The following SETD2 variants were observed in gnomAD, a reference collection of about 807,000 sequenced individuals.
The protein encoded by SETD2 is histone-lysine N-methyltransferase SETD2.
A neutral mutation model predicts 242.1 loss-of-function variants in SETD2; 31 were observed. The ratio of observed to expected loss-of-function variants is 0.13; its 90% CI spans 0.10 to 0.17. The LOEUF (loss-of-function observed/expected upper bound fraction) is 0.17, where lower values mean the gene tolerates loss of function less well. Ranked by LOEUF, SETD2 falls within the 10% of genes least tolerant of loss-of-function variation. SETD2 has a pLI of 1.00. For synonymous variants in SETD2, 1,006 were observed against 1,066.5 expected (o/e 0.94, Z 1.11); for missense variants, 2,481 against 3,046.3 (o/e 0.81, Z 4.37).
At chr3:47,067,741 T>C (rs1306267355) in intron 12 of SETD2, among the ~76,000 whole-genome samples, 1 of 152,104 alleles carries the variant, frequency 6.6e-6, no homozygotes, top group African/African-American at 2.4e-5. Context: ...GCACTTGCCA[T>C]CTCTACTTAG....
chr3:47,026,293 A>T (rs1286015984), intron 18 of SETD2, among the ~76,000 whole-genome samples: 2 of 152,248 alleles, frequency 1.3e-5, no homozygotes, highest in Admixed American at 1.3e-4. Context: ...ATCACTAAAA[A>T]GTTGGGAAAC....
chr3:47,026,508 T>A (rs113614827), intron 18 of SETD2, among the ~76,000 whole-genome samples: 149 of 152,334 alleles, frequency 9.8e-4, no homozygotes, highest in African/African-American at 3.4e-3. Flanking sequence ...TGCACACATA[T>A]TTTTATTGCA....
At chr3:47,048,677 G>C (rs2039646138) in intron 15 of SETD2, among the ~76,000 whole-genome samples, 1 of 151,864 alleles carries the variant, frequency 6.6e-6, no homozygotes, top group Non-Finnish European at 1.5e-5. Flanking sequence ...ACATTCTACA[G>C]CTGTATAAAC....
At chr3:47,105,839 G>A (rs796079158) in intron 6 of SETD2, 158 bp downstream of exon 6, 4 of 726,120 alleles carry the variant, frequency 5.5e-6, no homozygotes, top group South Asian at 5.2e-5. Context: ...GGAGGCAGGG[G>A]TTGCAGTGAG....
intron 12 of SETD2, among the ~76,000 whole-genome samples, chr3:47,080,464 A>AC (rs1249984578): frequency 1.3e-5 from 2 of 152,122 alleles, no homozygotes; most frequent in Non-Finnish European, 2.9e-5. Flanking sequence ...CAGGAACCTT[A>AC]CCTCCTCTTC....
chr3:47,056,911 A>C lies in SETD2; in HGVS notation c.6873T>G (p.Ser2291=), dbSNP rs1025412739. The change falls in exon 15 of 21, where the codon TCT becomes TCG. Residue 2291 remains serine (S), a synonymous_variant. Transcript: ENST00000409792. ...GTCCTTGATAATATATGGTTGCTTG[A>C]GACTGTGCAGGAGAGTACTGCTGCT... The part of the protein sequence containing the change: ...SVQQQYSPAQ[S]QATIYYQGQT... 1.9e-6 allele frequency: 3 copies of C among 1,614,094 alleles called. No individual in the cohort carries two copies. In the African/African-American group the frequency reaches 4.0e-5, roughly 22 times the overall value.
Position 47,052,709 on chromosome 3 carries a change from T to C in SETD2, c.6963+4112A>G, listed in dbSNP as rs904507870. ...GGTGCACACCTGTAATCCCAGCTAC[T>C]AGTGAGGCTGAGGCAGGAGAATCTC... On this transcript the variant is annotated intron_variant, in intron 15 of 20. Coordinates refer to ENST00000409792, the MANE Select transcript of SETD2 (RefSeq NM_014159.7). Among the ~76,000 whole-genome samples, 3 of 151,836 alleles carry C rather than the reference T, an allele frequency of 2.0e-5. No individual in the cohort carries two copies. In the East Asian group the frequency reaches 5.9e-4, roughly 30 times the overall value.
rs368132877 is a variant in SETD2, at chr3:47,122,540, T to C, written c.2096A>G (p.Asp699Gly). Residue 699 changes from aspartate (D) to glycine (G), a missense_variant, in exon 3 of 21, where the codon GAT becomes GGT. Physicochemically the swap from Asp to Gly is moderately conservative, Grantham distance 94 (BLOSUM62 -1). Around this residue, in one of 17 missense-constraint regions of SETD2, gnomAD observed 1,300 missense variants for 1,259.2 expected, o/e 1.03. Coordinates refer to ENST00000409792, the MANE Select transcript of SETD2 (RefSeq NM_014159.7). The stretch of plus-strand genomic sequence containing the variant: ...TAATTCCGATCCAGTCACACTATCA[T>C]CAGAAGTCATTAAAACAGCATCAGT... ...SKTDAVLMTS[D>G]DSVTGSELSP... 1.4e-4 allele frequency: 222 copies of C among 1,614,118 alleles called. No individual in the cohort carries two copies. The South Asian group carries it at 1.8e-3, about 13-fold the overall frequency.
chr3:47,086,308 G>T lies in SETD2; in HGVS notation c.5284C>A (p.His1762Asn), dbSNP rs747825765. 5 of 1,612,092 alleles carry T rather than the reference G, an allele frequency of 3.1e-6. No homozygotes were observed. The highest frequency in any genetic ancestry group is 4.2e-6 in the Non-Finnish European group (5 of 1,178,656). ...LTCLELIQNT[H>N]SQSCLKSFLE... is the part of the protein sequence containing the mutation. ...AAGGACTTCAGGCAGGACTGTGAGT[G>T]TGTGTTCTTTCATGGGGGAAGGGAG... Residue 1762 changes from histidine to asparagine, a missense_variant, in exon 11 of 21, where the codon CAC becomes AAC. Physicochemically the swap from His to Asn is moderately conservative, Grantham distance 68. This residue lies in a region of SETD2 where 62 missense variants were observed against 136.7 expected (regional missense o/e 0.45). Transcript: ENST00000409792.
At chr3:47,148,110 TTTGTTGTTGTTGTTGTTG>T (rs144690368) in intron 1 of SETD2, among the ~76,000 whole-genome samples, 1 of 149,020 alleles carries the variant, frequency 6.7e-6, no homozygotes, top group Non-Finnish European at 1.5e-5. Context: ...TTGGTTGTGT[TTTGTTGTTGTTGTTGTTG>T]TTGTTGTTGT....
In SETD2 at chr3:47,045,532, A is replaced by G. The variant is rs1427327021; in HGVS notation, c.7098+955T>C. Among the ~76,000 whole-genome samples, 4 of 148,296 alleles carry G rather than the reference A, an allele frequency of 2.7e-5. 1 individual carries two copies. Among genetic ancestry groups the G allele is most frequent in the African/African-American group, 9.9e-5 (4 of 40,414 alleles). ...GACTCCATCTCTTAAAAAAAAAAAA[A>G]AAAAAAAATACAAAAATTAGCTGGG... On this transcript the variant is annotated intron_variant, in intron 16 of 20. Coordinates refer to ENST00000409792, the MANE Select transcript of SETD2 (RefSeq NM_014159.7).
At position 47,123,314 on chromosome 3, in the gene SETD2, C is replaced by G. The variant is rs1365305042; in HGVS notation, c.1322G>C (p.Arg441Pro). Reference protein sequence around the residue: ...DRRYHRSSPYRERTRYSRPYT... With the variant: ...DRRYHRSSPYPERTRYSRPYT... ...TGGCCGAGAATAGCGCGTCCTCTCT[C>G]GATAAGGGGAGCTCCTATGGTAGCG... Residue 441 changes from arginine (R) to proline (P), a missense_variant, in exon 3 of 21, where the codon CGA becomes CCA. Physicochemically the swap from Arg to Pro is moderately radical, Grantham distance 103. Around this residue, in one of 17 missense-constraint regions of SETD2, gnomAD observed 1,300 missense variants for 1,259.2 expected, o/e 1.03. Transcript: ENST00000409792. The G allele has an allele frequency of 3.2e-6, 5 of 1,551,696 alleles. No individual in the cohort carries two copies. The highest frequency in any genetic ancestry group is 1.7e-4 in the Middle Eastern group (1 of 5,992).
At chr3:47,024,559 CAA>C (rs2038386390) in intron 18 of SETD2, among the ~76,000 whole-genome samples, 1 of 151,424 alleles carries the variant, frequency 6.6e-6, no homozygotes, top group Non-Finnish European at 1.5e-5. Flanking sequence ...GGCTGAGGCA[CAA>C]GAACCACTTG....
chr3:47,032,147 T>C (rs1317908885), intron 18 of SETD2, among the ~76,000 whole-genome samples: 3 of 152,170 alleles, frequency 2.0e-5, no homozygotes, highest in Admixed American at 6.6e-5. Flanking sequence ...TGTGGCTCCC[T>C]TGAAAGAGTC....
At chr3:47,111,079 T>TAAGAA (rs2042629946) in intron 5 of SETD2, among the ~76,000 whole-genome samples, 2 of 78,816 alleles carry the variant, frequency 2.5e-5, no homozygotes, top group Non-Finnish European at 4.5e-5. Flanking sequence ...GTGGTTCCTT[T>TAAGAA]AAAAAAAAAA....
intron 1 of SETD2, among the ~76,000 whole-genome samples, chr3:47,154,801 G>A (rs1439795251): frequency 6.6e-6 from 1 of 152,034 alleles, no homozygotes; most frequent in Non-Finnish European, 1.5e-5. Context: ...AGACCATCCT[G>A]GCTAACATGG....
At chr3:47,090,722 A>G (rs980765407) in intron 9 of SETD2, among the ~76,000 whole-genome samples, 11 of 152,192 alleles carry the variant, frequency 7.2e-5, no homozygotes, top group African/African-American at 2.2e-4. Flanking sequence ...TTGTGCGGCA[A>G]TAACAGAATA....
chr3:47,050,976 C>A (rs150374501), intron 15 of SETD2, among the ~76,000 whole-genome samples: 36 of 151,848 alleles, frequency 2.4e-4, no homozygotes, highest in African/African-American at 8.2e-4. Flanking sequence ...CAAGTGATCC[C>A]CACACCTCGG....
rs1419081199 is a variant in SETD2 at position 47,088,252 on chromosome 3, C to G, written c.5143-5G>C. ...AGCTTCTAGCTCTCCATCCACCTAC[C>G]ACAGCAAATAAAAATACCTTTTTAT... On this transcript the variant is annotated splice_region_variant and splice_polypyrimidine_tract_variant and intron_variant, in intron 9 of 20. Transcript: ENST00000409792. 1 of 1,589,604 alleles carries G rather than the reference C, an allele frequency of 6.3e-7. No individual in the cohort carries two copies. Among genetic ancestry groups the G allele is most frequent in the Non-Finnish European group, 8.5e-7 (1 of 1,173,484 alleles).
Sources: gnomAD v4.1 joint callset for allele counts (sites outside exome capture counted in the v4.1 genomes callset) on GRCh38, gnomAD v4.1.1 for gene constraint, gnomAD v4.1.1 regional missense constraint, MANE v1.5 for transcripts, NCBI Gene and HGNC (gene_info 2026-07-23, HGNC 2026-07-21) for gene names.